TPR: variants seen among roughly 807,000 people sequenced by gnomAD.
TPR encodes the protein translocated promoter region, nuclear basket protein.
A neutral mutation model predicts 316.1 loss-of-function variants in TPR; 51 were observed. The observed-to-expected ratio is 0.16, with a 90% CI of 0.13 to 0.20. The LOEUF (loss-of-function observed/expected upper bound fraction) is 0.20, where lower values mean the gene tolerates loss of function less well. TPR is among the 10% of genes least tolerant of loss of function. TPR has a pLI of 1.00. For synonymous variants in TPR, 981 were observed against 914.7 expected, an observed-to-expected ratio of 1.07 and a Z score of -1.31; for missense variants, 2,272 against 2,754.8, an observed-to-expected ratio of 0.82 and a Z score of 3.92.
At chr1:186,347,524 G>T in intron 21 of TPR, 66 bp from the exon 22 acceptor site, 1 of 1,516,372 alleles carries the variant, frequency 6.6e-7, no homozygotes. Flanking sequence ...CTGTTATAAA[G>T]AGCTTATGAA....
intron 14 of TPR, 80 bp downstream of exon 14, chr1:186,357,317 G>C: frequency 7.0e-7 from 1 of 1,420,050 alleles, no homozygotes; most frequent in South Asian, 1.2e-5. Context: ...AAAACGTTGG[G>C]ATTACAGGCA....
chr1:186,343,690 T>A (rs1020251255), intron 26 of TPR, among the ~76,000 whole-genome samples: 9 of 152,346 alleles, frequency 5.9e-5, no homozygotes, highest in African/African-American at 2.2e-4. Context: ...GCATTTAGTT[T>A]TTCAAGAGAA....
At chr1:186,340,636 G>A (rs181339074) in intron 29 of TPR, among the ~76,000 whole-genome samples, 1 of 151,980 alleles carries the variant, frequency 6.6e-6, no homozygotes, top group Non-Finnish European at 1.5e-5. Flanking sequence ...TCACTACATT[G>A]CCCAGGCTGG....
chr1:186,356,234 C>A, intron 15 of TPR, 52 bp downstream of exon 15: 1 of 1,462,344 alleles, frequency 6.8e-7, no homozygotes, highest in Non-Finnish European at 9.2e-7. Context: ...AAAATTAATC[C>A]CTTAATATAC....
At chr1:186,342,769 G>A (rs1475728605) in intron 27 of TPR, 1 of 152,186 alleles carries the variant, frequency 6.6e-6, no homozygotes, top group Non-Finnish European at 1.5e-5. Context: ...TTGGGTGGTA[G>A]TGTGGGGTAA....
At position 186,318,529 on chromosome 1, in the gene TPR, A is replaced by G; in HGVS notation, c.6739T>C (p.Ser2247Pro). ...TTTGTTGTAGATAAAGTGCCAGTGG[A>G]TGTAGTCACCATTGGAACAGATTGA... ...ASQSVPMVTT[S>P]TGTLSTTNET... is the part of the protein sequence containing the mutation. Residue 2247 changes from serine (S) to proline (P), a missense_variant, in exon 48 of 51, where the codon TCC (serine) becomes CCC (proline). Around this residue, in one of 10 missense-constraint regions of TPR, gnomAD observed 123 missense variants for 142.3 expected, o/e 0.86. Transcript: ENST00000367478. 8 of 1,614,170 alleles carry G rather than the reference A, an allele frequency of 5.0e-6. No homozygotes were observed. The highest frequency in any genetic ancestry group is 6.8e-6 in the Non-Finnish European group (8 of 1,180,002).
chr1:186,312,778 A>C lies in TPR; in HGVS notation c.*1193T>G, dbSNP rs922311017. 6.2e-7 allele frequency: 1 copy of C among 1,613,012 alleles called. No individual in the cohort carries two copies. Among genetic ancestry groups the C allele is most frequent in the Non-Finnish European group, 8.5e-7 (1 of 1,179,026 alleles). On this transcript the variant is annotated 3_prime_UTR_variant, in exon 51 of 51. Coordinates refer to ENST00000367478, the MANE Select transcript of TPR (RefSeq NM_003292.3). ...AACATGCCACTTACAGGTGTCCTTC[A>C]TAATGAAGTTAAAGTGAGTATACTG...
Position 186,374,944 on chromosome 1 carries a change from G to C in TPR, c.85C>G (p.Leu29Val). 6.2e-7 allele frequency: 1 copy of C among 1,611,358 alleles called. No individual in the cohort carries two copies. Among genetic ancestry groups the C allele is most frequent in the Non-Finnish European group, 8.5e-7 (1 of 1,177,738 alleles). The change falls in exon 1 of 51, where the codon CTT becomes GTT. Residue 29 changes from leucine (L) to valine (V), a missense_variant. Physicochemically the swap from Leu to Val is conservative, Grantham distance 32. This residue lies in a region of TPR where 549 missense variants were observed against 598.6 expected (regional missense o/e 0.92). Transcript: ENST00000367478. The part of the protein sequence containing the change: ...KSVQNKLEKF[L>V]ADQQSEIDGL... ...TCGATCTCGGATTGCTGATCAGCAAGGAACTTTTCAAGTTTGTTCTGGACA... is the reference window on the plus strand; with the variant it reads ...TCGATCTCGGATTGCTGATCAGCAACGAACTTTTCAAGTTTGTTCTGGACA...
At chr1:186,349,391 C>T (rs961120621) in intron 21 of TPR, among the ~76,000 whole-genome samples, 5 of 152,120 alleles carry the variant, frequency 3.3e-5, no homozygotes, top group Non-Finnish European at 2.9e-5. Flanking sequence ...CTGTGGCTTA[C>T]GCCTGTAATC....
intron 29 of TPR, among the ~76,000 whole-genome samples, chr1:186,340,020 T>C (rs933723952): frequency 6.6e-6 from 1 of 152,184 alleles, no homozygotes; most frequent in Non-Finnish European, 1.5e-5. Context: ...TATTTGTGAA[T>C]AAACATTTCA....
In TPR at chr1:186,347,366, T is replaced by C; in HGVS notation, c.2869A>G (p.Thr957Ala). Residue 957 changes from threonine to alanine, a missense_variant, in exon 22 of 51, where the codon ACA (threonine) becomes GCA (alanine). Coordinates refer to ENST00000367478, the MANE Select transcript of TPR (RefSeq NM_003292.3). ...TATTGTTCCACATTGCTCGTACTTG[T>C]TTTGAGTCTCTCCTTTAAGTCATTC... ...QVNDLKERLK[T>A]STSNVEQYQA... 6.2e-7 allele frequency: 1 copy of C among 1,614,102 alleles called. No individual in the cohort carries two copies. Among genetic ancestry groups the C allele is most frequent in the Non-Finnish European group, 8.5e-7 (1 of 1,179,988 alleles).
At position 186,311,983 on chromosome 1, in the gene TPR, C is replaced by T. The variant is rs942595139; in HGVS notation, c.*1988G>A. 5.2e-6 allele frequency: 3 copies of T among 579,414 alleles called. No homozygotes were observed. The East Asian group carries it at 8.7e-5, about 17-fold the overall frequency. The allele number at this position is 579,414 out of a possible 1,614,324, so 35.9% of individuals were successfully genotyped here. On this transcript the variant is annotated 3_prime_UTR_variant, in exon 51 of 51. Coordinates refer to ENST00000367478, the MANE Select transcript of TPR (RefSeq NM_003292.3). ...AACTATGTAATTTGCTGCATCTATT[C>T]ATTCAACAAGTATTTCAGTTTAATA...
rs374687100 is a variant in TPR at position 186,323,840 on chromosome 1, G to A, written c.6143C>T (p.Ser2048Phe). Reference protein sequence around the residue: ...GEGNTGAAESSFSQEVSREQQ... With the variant: ...GEGNTGAAESFFSQEVSREQQ... Reference sequence around the variant, plus strand: ...TTCTCTAGAAACCTCCTGAGAAAAAGAAGATTCTGCAGCACCTGTATTTCC... The same window carrying A: ...TTCTCTAGAAACCTCCTGAGAAAAAAAAGATTCTGCAGCACCTGTATTTCC... The change falls in exon 43 of 51, where the codon TCT becomes TTT. Residue 2048 changes from serine to phenylalanine, a missense_variant. Around this residue, in one of 10 missense-constraint regions of TPR, gnomAD observed 435 missense variants for 461.1 expected, o/e 0.94. Transcript: ENST00000367478. The A allele has an allele frequency of 1.3e-6, 2 of 1,549,616 alleles. No homozygotes were observed. The highest frequency in any genetic ancestry group is 1.7e-6 in the Non-Finnish European group (2 of 1,157,212).
In TPR at chr1:186,317,576, T is replaced by C. The variant is rs1657647844; in HGVS notation, c.6846A>G (p.Glu2282=). 1.9e-6 allele frequency: 3 copies of C among 1,613,918 alleles called. No individual in the cohort carries two copies. The highest frequency in any genetic ancestry group is 2.5e-6 in the Non-Finnish European group (3 of 1,179,992). ...GCTCTTCTTCCTGCTGGCTATCAAT[T>C]TCTAGGCCTGCTTCTGAACTAATAC... is the stretch of plus-strand genomic sequence containing the variant. ...SEGISSEAGL[E]IDSQQEEEPV... Residue 2282 remains glutamate, a synonymous_variant, in exon 49 of 51, where the codon GAA becomes GAG. Coordinates refer to ENST00000367478, the MANE Select transcript of TPR (RefSeq NM_003292.3).
intron 48 of TPR, 107 bp downstream of exon 48, chr1:186,318,339 CA>C (rs370868634): frequency 4.2e-5 from 52 of 1,227,088 alleles, no homozygotes; most frequent in Admixed American, 7.8e-5. Flanking sequence ...AAAAAAAAAA[CA>C]AAAAAAAACA....
chr1:186,355,874 T>C, intron 15 of TPR, 106 bp from the exon 16 acceptor site: 1 of 1,324,860 alleles, frequency 7.5e-7, no homozygotes, highest in Non-Finnish European at 1.0e-6. Flanking sequence ...CAAGCTAAAC[T>C]TATTGAAATG....
intron 20 of TPR, 28 bp downstream of exon 20, chr1:186,351,302 C>T: frequency 6.3e-7 from 1 of 1,580,902 alleles, no homozygotes; most frequent in Non-Finnish European, 8.6e-7. Flanking sequence ...AAACACCCTA[C>T]AGAAATTCAG....
At chr1:186,314,907 C>CA (rs1392956449) in intron 49 of TPR, among the ~76,000 whole-genome samples, 183 bp from the exon 50 acceptor site, 4 of 151,736 alleles carry the variant, frequency 2.6e-5, no homozygotes, top group East Asian at 1.9e-4. Flanking sequence ...GGTTAAACAA[C>CA]AAAAAAAGCA....
chr1:186,334,934 G>C (rs1322125905), intron 35 of TPR, 134 bp downstream of exon 35: 9 of 855,466 alleles, frequency 1.1e-5, no homozygotes, highest in Non-Finnish European at 1.6e-5. Flanking sequence ...ATACAGTTCT[G>C]CAGAGAAAAC....
Sources: gnomAD v4.1 joint callset for allele counts (sites outside exome capture counted in the v4.1 genomes callset) on GRCh38, gnomAD v4.1.1 for gene constraint, gnomAD v4.1.1 regional missense constraint, MANE v1.5 for transcripts, NCBI Gene and HGNC (gene_info 2026-07-23, HGNC 2026-07-21) for gene names.